Variants in SLC38A6 observed in about 807,000 individuals in gnomAD.
SLC38A6 encodes the protein solute carrier family 38 member 6, also known as N system amino acid transporter NAT-1.
In SLC38A6, 73 loss-of-function variants were observed where a neutral mutation model predicts 65.0. That is an observed-to-expected ratio of 1.12 (90% CI 0.93 to 1.37). SLC38A6 has a LOEUF of 1.37. Among genes scored for constraint, SLC38A6 ranks in the 40% most tolerant of loss-of-function variants. The pLI is 0.00. For synonymous variants in SLC38A6, 183 were observed against 178.8 expected (o/e 1.02, Z -0.19); for missense variants, 561 against 531.1 (o/e 1.06, Z -0.55).
intron 2 of SLC38A6, among the ~76,000 whole-genome samples, chr14:60,983,338 A>G (rs1455414136): frequency 6.6e-6 from 1 of 152,142 alleles, no homozygotes; most frequent in Non-Finnish European, 1.5e-5. Context: ...CCAAAATACA[A>G]AAATTAGCCT....
At position 61,043,225 on chromosome 14, in the gene SLC38A6, A is replaced by G. The variant is rs377689025; in HGVS notation, c.690+13A>G. 7 of 1,428,002 alleles carry G rather than the reference A, an allele frequency of 4.9e-6. No homozygotes were observed. Among genetic ancestry groups the G allele is most frequent in the African/African-American group, 4.3e-5 (3 of 69,220 alleles). 88.5% of individuals were successfully genotyped at this position (1,428,002 alleles called of 1,614,324 possible). A position where few individuals can be genotyped will look rare whatever the true frequency, so the allele number is the denominator to read the frequency against. ...GAAAGGTTTCCAGGTAATAGCTTAT[A>G]TTTTCTTTTCAGTTTCTTCCTTTTT... On this transcript the variant is annotated intron_variant, in intron 9 of 15. Coordinates refer to ENST00000267488, the MANE Select transcript of SLC38A6 (RefSeq NM_153811.3).
In SLC38A6 at chr14:61,052,481, A is replaced by G; in HGVS notation, c.*52A>G. On this transcript the variant is annotated 3_prime_UTR_variant, in exon 16 of 16. Transcript: ENST00000267488. The stretch of plus-strand genomic sequence containing the variant: ...GAATAATATACCCCTAGTTGCAAGA[A>G]TGAATTATTCCGGAAGACACCCTGG... The G allele has an allele frequency of 6.6e-7, 1 of 1,521,244 alleles. No individual in the cohort carries two copies. Among genetic ancestry groups the G allele is most frequent in the Non-Finnish European group, 8.8e-7 (1 of 1,142,338 alleles). The allele number at this position is 1,521,244 out of a possible 1,614,324, so 94.2% of individuals were successfully genotyped here. A position where few individuals can be genotyped will look rare whatever the true frequency, so the allele number is the denominator to read the frequency against.
intron 3 of SLC38A6, among the ~76,000 whole-genome samples, chr14:61,007,682 G>A (rs1023088997): frequency 6.6e-6 from 1 of 152,124 alleles, no homozygotes; most frequent in African/African-American, 2.4e-5. Context: ...AATATGAAAC[G>A]GATGCTGAAA....
intron 12 of SLC38A6, among the ~76,000 whole-genome samples, chr14:61,047,864 AC>A (rs2042245561): frequency 6.6e-6 from 1 of 152,098 alleles, no homozygotes; most frequent in South Asian, 2.1e-4. Context: ...AGAGAAATAC[AC>A]ATCTAAGAAA....
chr14:61,079,223 GC>G (rs2043547950), intron 16 of SLC38A6, among the ~76,000 whole-genome samples: 1 of 141,178 alleles, frequency 7.1e-6, no homozygotes. Flanking sequence ...TGCAACCTCT[GC>G]CTCCCGGGTT....
intron 3 of SLC38A6, among the ~76,000 whole-genome samples, chr14:61,005,230 G>T (rs1439215421): frequency 6.6e-6 from 1 of 151,562 alleles, no homozygotes; most frequent in African/African-American, 2.4e-5. Context: ...ATATCATACT[G>T]AATGGGCAAA....
At chr14:61,036,481 T>C (rs1470869258) in intron 6 of SLC38A6, among the ~76,000 whole-genome samples, 1 of 151,926 alleles carries the variant, frequency 6.6e-6, no homozygotes, top group Non-Finnish European at 1.5e-5. Flanking sequence ...TTAGGACAAA[T>C]ACCTAATGCA....
intron 3 of SLC38A6, among the ~76,000 whole-genome samples, chr14:60,989,530 C>G (rs948432702): frequency 2.0e-5 from 3 of 152,154 alleles, no homozygotes; most frequent in African/African-American, 4.8e-5. Context: ...TTGAGACCAG[C>G]CTGGGCAACA....
chr14:61,070,988 A>G (rs911229763), intron 15 of SLC38A6, among the ~76,000 whole-genome samples: 8 of 152,120 alleles, frequency 5.3e-5, no homozygotes, highest in African/African-American at 1.7e-4. Flanking sequence ...CTCTCTCCTT[A>G]AGATTTTTAT....
In SLC38A6 at chr14:60,984,740, C is replaced by A; in HGVS notation, c.247C>A (p.Leu83Met). 1 of 1,613,908 alleles carries A rather than the reference C, an allele frequency of 6.2e-7. No homozygotes were observed. Among genetic ancestry groups the A allele is most frequent in the South Asian group, 1.1e-5 (1 of 91,072 alleles). ...TCTTTTATGTTTTAGCTTCTTGCTG[C>A]TGACAGTTGCTCTCCTGGCTTCTTA... is the stretch of plus-strand genomic sequence containing the variant. ...TGVFGFSFLL[L>M]TVALLASYSV... Residue 83 changes from leucine to methionine, a missense_variant, in exon 3 of 16, where the codon CTG becomes ATG. Transcript: ENST00000267488.
At position 60,984,810 on chromosome 14, in the gene SLC38A6, A is replaced by T. The variant is rs2037331218; in HGVS notation, c.310+7A>T. On this transcript the variant is annotated splice_region_variant and intron_variant, in intron 3 of 15. Transcript: ENST00000267488. ...AGTATGTGTATTCAGACAGGTGAGT[A>T]AAAATGTTATGCTGCTTCATTTAAT... is the stretch of plus-strand genomic sequence containing the variant. 6.2e-7 allele frequency: 1 copy of T among 1,612,766 alleles called. No individual in the cohort carries two copies. Among genetic ancestry groups the T allele is most frequent in the African/African-American group, 1.3e-5 (1 of 75,034 alleles).
intron 15 of SLC38A6, among the ~76,000 whole-genome samples, chr14:61,064,620 A>G (rs1361837009): frequency 2.7e-5 from 4 of 149,274 alleles, no homozygotes; most frequent in African/African-American, 9.9e-5. Context: ...AGATGAGGTT[A>G]ATAAGATGGC....
intron 15 of SLC38A6, among the ~76,000 whole-genome samples, chr14:61,076,043 C>T (rs1162863390): frequency 3.3e-5 from 5 of 151,536 alleles, no homozygotes; most frequent in Non-Finnish European, 5.9e-5. Context: ...TTAGTAGAGA[C>T]GAGGTTTCTC....
At chr14:60,998,966 T>G (rs966125850) in intron 3 of SLC38A6, among the ~76,000 whole-genome samples, 7 of 152,234 alleles carry the variant, frequency 4.6e-5, no homozygotes, top group Non-Finnish European at 1.0e-4. Context: ...AAAAGGAATT[T>G]GACTAGCAGA....
At chr14:60,983,237 A>C (rs2037203278) in intron 2 of SLC38A6, among the ~76,000 whole-genome samples, 1 of 152,196 alleles carries the variant, frequency 6.6e-6, no homozygotes, top group Admixed American at 6.5e-5. Context: ...CTAAACTGAA[A>C]TCCTTTACAA....
chr14:61,017,183 A>G lies in SLC38A6; in HGVS notation c.363+1227A>G, dbSNP rs2040066461. Reference sequence around the variant, plus strand: ...CAGCCTCCTAAGTAGCTAGGATTACAGGCATGTGTCACCAGGCCTGGCTAA... The same window carrying G: ...CAGCCTCCTAAGTAGCTAGGATTACGGGCATGTGTCACCAGGCCTGGCTAA... On this transcript the variant is annotated intron_variant, in intron 4 of 15. Transcript: ENST00000267488. Among the ~76,000 whole-genome samples, 11 of 152,154 alleles carry G rather than the reference A, an allele frequency of 7.2e-5. No homozygotes were observed. In the South Asian group the frequency reaches 2.3e-3, roughly 32 times the overall value.
At chr14:61,009,909 G>A (rs2039428657) in intron 3 of SLC38A6, among the ~76,000 whole-genome samples, 1 of 152,208 alleles carries the variant, frequency 6.6e-6, no homozygotes, top group Non-Finnish European at 1.5e-5. Flanking sequence ...TAATGGGATG[G>A]CTGGGTCAAA....
rs774723703 is a variant in SLC38A6 at position 61,037,141 on chromosome 14, G to A, written c.565G>A (p.Gly189Ser). The A allele has an allele frequency of 1.9e-6, 3 of 1,591,888 alleles. No homozygotes were observed. Among genetic ancestry groups the A allele is most frequent in the Admixed American group, 1.7e-5 (1 of 58,540 alleles). The change falls in exon 7 of 16, where the codon GGC becomes AGC. Residue 189 changes from glycine to serine, a missense_variant and splice_region_variant. Coordinates refer to ENST00000267488, the MANE Select transcript of SLC38A6 (RefSeq NM_153811.3). ...CCCTCTTGCACTTCTTCCCAAAATA[G>A]GTAAGTCTTTATAGAGCACATTATT... The part of the protein sequence containing the change: ...VFPLALLPKI[G>S]FLGYTSSLSF...
At chr14:61,043,545 AT>A (rs776870634) in intron 10 of SLC38A6, 42 bp downstream of exon 10, 1 of 1,481,940 alleles carries the variant, frequency 6.7e-7, no homozygotes, top group Non-Finnish European at 9.3e-7. Flanking sequence ...GATTTTTCAC[AT>A]TTCAAGTTTT....
Sources: allele counts gnomAD v4.1 joint callset (sites outside exome capture counted in the v4.1 genomes callset), GRCh38; gene constraint gnomAD v4.1.1; transcripts MANE v1.5; gene names NCBI Gene and HGNC (gene_info 2026-07-23, HGNC 2026-07-21).